The following RAD51B variants were observed in gnomAD, a reference collection of about 807,000 sequenced individuals.
RAD51B encodes the protein RAD51 paralog B.
In RAD51B, 38 loss-of-function variants were observed where a neutral mutation model predicts 42.2. The observed-to-expected ratio is 0.90, with a 90% CI of 0.70 to 1.18. The LOEUF (loss-of-function observed/expected upper bound fraction) is 1.18. RAD51B is among the 50% of genes most tolerant of loss of function. The probability of loss-of-function intolerance (pLI) is 0.00; values close to 1 mark genes in which losing one functional copy is unlikely to be tolerated. For missense variants in RAD51B, 373 were observed against 400.7 expected (o/e 0.93, Z 0.59); for synonymous variants, 154 against 145.2 (o/e 1.06, Z -0.43).
At position 67,954,916 on chromosome 14, in the gene RAD51B, T is replaced by C. The variant is rs746846801; in HGVS notation, c.756+67712T>C. Among the ~76,000 whole-genome samples, 6 of 152,068 alleles carry C rather than the reference T, an allele frequency of 3.9e-5. No homozygotes were observed. The South Asian group carries it at 1.0e-3, about 26-fold the overall frequency. Reference sequence around the variant, plus strand: ...GATATCAAGTATATAGGTTGAGTTATTGACCTTGGGAAGGAATGTTTAGAG... The same window carrying C: ...GATATCAAGTATATAGGTTGAGTTACTGACCTTGGGAAGGAATGTTTAGAG... On this transcript the variant is annotated intron_variant, in intron 7 of 10. Coordinates refer to ENST00000471583, the MANE Select transcript of RAD51B (RefSeq NM_133510.4).
At chr14:68,414,036 A>G (rs4545737) in intron 9 of RAD51B, among the ~76,000 whole-genome samples, 41,714 of 151,926 alleles carry the variant, frequency 0.27, 6,578 homozygotes, top group South Asian at 0.5. Flanking sequence ...TGAGCTCTAC[A>G]CCAGGGCTCT....
Position 67,835,089 on chromosome 14 carries a change from A to G in RAD51B, c.208A>G (p.Ile70Val), listed in dbSNP as rs766783112. Residue 70 changes from isoleucine (I) to valine (V), a missense_variant, in exon 4 of 11, where the codon ATA (isoleucine) becomes GTA (valine). By Grantham distance (29) the Ile-to-Val change is conservative. Transcript: ENST00000471583. ...TCATTTTCTTGTTTAGGCTTATGGG[A>G]TAAAAGCACAAAGGTCTGCTGATTT... ...CAPKMQTAYG[I>V]KAQRSADFSP... 6.2e-7 allele frequency: 1 copy of G among 1,610,926 alleles called. No individual in the cohort carries two copies. Among genetic ancestry groups the G allele is most frequent in the African/African-American group, 1.3e-5 (1 of 74,964 alleles).
At chr14:68,040,590 C>T (rs1355197310) in intron 7 of RAD51B, among the ~76,000 whole-genome samples, 8 of 152,136 alleles carry the variant, frequency 5.3e-5, no homozygotes, top group African/African-American at 1.7e-4. Context: ...AATAGCTAGG[C>T]ATTAAGTTAA....
At chr14:68,436,917 T>C (rs2085161400) in intron 9 of RAD51B, among the ~76,000 whole-genome samples, 1 of 152,132 alleles carries the variant, frequency 6.6e-6, no homozygotes, top group Non-Finnish European at 1.5e-5. Flanking sequence ...GAGGCTTTAG[T>C]GGAGTCTTTA....
At chr14:68,370,892 C>T (rs1048632072) in intron 8 of RAD51B, among the ~76,000 whole-genome samples, 1 of 151,376 alleles carries the variant, frequency 6.6e-6, no homozygotes, top group Non-Finnish European at 1.5e-5. Context: ...AAAAAATTAG[C>T]CGGACGTGGT....
intron 11 of RAD51B, among the ~76,000 whole-genome samples, chr14:68,679,731 G>A (rs1893386950): frequency 1.3e-5 from 2 of 152,230 alleles, no homozygotes; most frequent in African/African-American, 4.8e-5. Flanking sequence ...GCTGCTGACT[G>A]TAAAATCTGT....
chr14:68,319,871 G>A (rs895259459), intron 8 of RAD51B, among the ~76,000 whole-genome samples: 2 of 152,158 alleles, frequency 1.3e-5, no homozygotes, highest in African/African-American at 4.8e-5. Flanking sequence ...TGCCTTACCT[G>A]CATTACCTGC....
chr14:67,968,782 A>G (rs999474462), intron 7 of RAD51B, among the ~76,000 whole-genome samples: 3 of 151,870 alleles, frequency 2.0e-5, no homozygotes, highest in Admixed American at 6.6e-5. Context: ...AACTGTTCCA[A>G]CCTCTGCCTG....
At chr14:68,188,404 C>T (rs1367674469) in intron 7 of RAD51B, among the ~76,000 whole-genome samples, 1 of 150,916 alleles carries the variant, frequency 6.6e-6, no homozygotes, top group Non-Finnish European at 1.5e-5. Context: ...TCCCCCTTCC[C>T]TTTCTCCCAT....
intron 8 of RAD51B, among the ~76,000 whole-genome samples, chr14:68,358,757 T>C (rs2082958875): frequency 6.6e-6 from 1 of 152,220 alleles, no homozygotes; most frequent in Non-Finnish European, 1.5e-5. Flanking sequence ...CTGTAAATTA[T>C]TCTTCAGTCA....
At chr14:68,363,924 A>T (rs2083085322) in intron 8 of RAD51B, among the ~76,000 whole-genome samples, 1 of 152,190 alleles carries the variant, frequency 6.6e-6, no homozygotes, top group African/African-American at 2.4e-5. Flanking sequence ...TAGCGTCCAC[A>T]GGAGGAAGTT....
intron 8 of RAD51B, among the ~76,000 whole-genome samples, chr14:68,393,889 T>C (rs1363592874): frequency 6.6e-6 from 1 of 152,222 alleles, no homozygotes. Flanking sequence ...TGCAAACTCC[T>C]GCCCCACTGT....
intron 7 of RAD51B, among the ~76,000 whole-genome samples, chr14:67,964,729 G>A (rs1038709314): frequency 6.6e-6 from 1 of 152,164 alleles, no homozygotes; most frequent in Non-Finnish European, 1.5e-5. Flanking sequence ...ACAAGAAAGA[G>A]AATTAGAGTT....
At chr14:68,036,231 G>A (rs1457370223) in intron 7 of RAD51B, among the ~76,000 whole-genome samples, 1 of 152,184 alleles carries the variant, frequency 6.6e-6, no homozygotes, top group Non-Finnish European at 1.5e-5. Context: ...TTAAAGCCAA[G>A]TGAGGAACAG....
chr14:68,131,321 A>C (rs997440352), intron 7 of RAD51B, among the ~76,000 whole-genome samples: 3 of 152,226 alleles, frequency 2.0e-5, no homozygotes, highest in African/African-American at 7.2e-5. Flanking sequence ...GTTGTCTATA[A>C]AATCAAAATC....
At chr14:68,241,974 G>A (rs1283972575) in intron 7 of RAD51B, among the ~76,000 whole-genome samples, 1 of 152,204 alleles carries the variant, frequency 6.6e-6, no homozygotes, top group African/African-American at 2.4e-5. Context: ...CCCTGCTTAT[G>A]TTGACCCTGT....
chr14:68,638,080 C>T (rs966031313), intron 10 of RAD51B, among the ~76,000 whole-genome samples: 3 of 152,104 alleles, frequency 2.0e-5, no homozygotes, highest in African/African-American at 4.8e-5. Flanking sequence ...CAATGTCCCT[C>T]GGGAGAGAAA....
chr14:68,549,738 G>T (rs895163376), intron 10 of RAD51B, among the ~76,000 whole-genome samples: 4 of 152,082 alleles, frequency 2.6e-5, no homozygotes, highest in Non-Finnish European at 4.4e-5. Flanking sequence ...TTTATAGAAA[G>T]ATCCAGATGA....
intron 7 of RAD51B, among the ~76,000 whole-genome samples, chr14:68,074,302 C>T (rs1271822625): frequency 1.3e-5 from 2 of 152,026 alleles, no homozygotes; most frequent in African/African-American, 2.4e-5. Context: ...CTTTTCTCAG[C>T]CTTGTCTATT....
Sources: gnomAD v4.1 joint callset for allele counts (sites outside exome capture counted in the v4.1 genomes callset) on GRCh38, gnomAD v4.1.1 for gene constraint, MANE v1.5 for transcripts, NCBI Gene and HGNC (gene_info 2026-07-23, HGNC 2026-07-21) for gene names.